Variants in IL1RAPL2 observed in about 807,000 individuals in gnomAD.
IL1RAPL2 encodes the protein X-linked interleukin-1 receptor accessory protein-like 2.
IL1RAPL2 carries 3 observed loss-of-function variants against 44.1 expected under a neutral mutation model. The observed-to-expected ratio is 0.07, with a 90% confidence interval of 0.03 to 0.18. The LOEUF (loss-of-function observed/expected upper bound fraction) is 0.18. Ranked by LOEUF, IL1RAPL2 falls within the 10% of genes least tolerant of loss-of-function variation. The probability of loss-of-function intolerance (pLI) is 1.00; values close to 1 mark genes in which losing one functional copy is unlikely to be tolerated. For synonymous variants in IL1RAPL2, 181 were observed against 178.8 expected (o/e 1.01, Z -0.10); for missense variants, 391 against 496.4 (o/e 0.79, Z 2.02).
chrX:104,845,720 T>A (rs2147638151), intron 2 of IL1RAPL2, among the ~76,000 whole-genome samples: 1 of 112,140 alleles, frequency 8.9e-6, no homozygotes, highest in East Asian at 2.8e-4. Flanking sequence ...TTGACTCTAT[T>A]TGTCATGGTT....
rs748588352 is a variant in IL1RAPL2, at chrX:105,335,657, C to T, written c.697+68116C>T. Among the ~76,000 whole-genome samples the T allele has an allele frequency of 4.5e-5, 5 of 111,158 alleles. No homozygotes were observed. In the East Asian group the frequency reaches 1.4e-3, roughly 32 times the overall value. ...AACCCATTTATACTGGATACAAAAACTTAGCTGAAAATCTTTCCAGTCGAC... is the reference window on the plus strand; with the variant it reads ...AACCCATTTATACTGGATACAAAAATTTAGCTGAAAATCTTTCCAGTCGAC... On this transcript the variant is annotated intron_variant, in intron 5 of 10. Transcript: ENST00000372582.
chrX:105,572,369 C>A (rs972782273), intron 6 of IL1RAPL2, among the ~76,000 whole-genome samples: 1 of 111,878 alleles, frequency 8.9e-6, no homozygotes, highest in Non-Finnish European at 1.9e-5. Context: ...GGAATGCATA[C>A]GAAAGCCTAA....
chrX:105,755,168 A>T lies in IL1RAPL2; in HGVS notation c.1193-9A>T, dbSNP rs752525275. ...AGTTACAACCCTTTTGTTGTTCTTT[A>T]TGTTTAAGACAACAAGGAATATGAT... On this transcript the variant is annotated splice_polypyrimidine_tract_variant and intron_variant, in intron 9 of 10. Transcript: ENST00000372582. The T allele has an allele frequency of 8.6e-7, 1 of 1,166,891 alleles. No homozygotes were observed.
chrX:105,738,480 C>T (rs959597181), intron 7 of IL1RAPL2, among the ~76,000 whole-genome samples: 3 of 111,131 alleles, frequency 2.7e-5, no homozygotes, highest in African/African-American at 9.8e-5. Flanking sequence ...GGGATATTCC[C>T]TGCATTTATA....
rs375364495 is a variant in IL1RAPL2, at chrX:104,849,355, A to AATATATATATAT, written c.82+190361_82+190372dup. 2.8e-4 allele frequency among the ~76,000 whole-genome samples: 19 copies of AATATATATATAT among 68,695 alleles called. 1 individual carries two copies. Among genetic ancestry groups the AATATATATATAT allele is most frequent in the South Asian group, 5.6e-4 (1 of 1,795 alleles). The allele number at this position is 68,695 out of a possible 115,157, so 59.7% of individuals were successfully genotyped here. On this transcript the variant is annotated intron_variant, in intron 2 of 10. Transcript: ENST00000372582. Reference sequence around the variant, plus strand: ...GTGAGCCACCATGCTTGAACTATATAATATATATATATGGATTACTTACGG... The same window carrying AATATATATATAT: ...GTGAGCCACCATGCTTGAACTATATAATATATATATATATATATATATATGGATTACTTACGG...
intron 1 of IL1RAPL2, among the ~76,000 whole-genome samples, chrX:104,582,688 TTCTTTC>T (rs1240248564): frequency 1.0e-5 from 1 of 99,242 alleles, no homozygotes; most frequent in African/African-American, 3.7e-5. Flanking sequence ...CTTTCTTTCT[TTCTTTC>T]TCTCTCTCTC....
chrX:105,216,664 A>G lies in IL1RAPL2; in HGVS notation c.357-17154A>G, dbSNP rs182415227. 7.1e-3 allele frequency among the ~76,000 whole-genome samples: 788 copies of G among 111,566 alleles called. 9 individuals are homozygous for G. The highest frequency in any genetic ancestry group is 0.025 in the African/African-American group (762 of 30,648). On this transcript the variant is annotated intron_variant, in intron 3 of 10. Transcript: ENST00000372582. ...AGCCAAGACAATCCTAAGCAAAAAG[A>G]ACAAAACTGGAGGCATCACACTACC...
intron 9 of IL1RAPL2, among the ~76,000 whole-genome samples, chrX:105,753,803 C>G (rs2038615109): frequency 8.9e-6 from 1 of 112,068 alleles, no homozygotes; most frequent in African/African-American, 3.2e-5. Context: ...TTAACCCTTT[C>G]TCCTTCCTTC....
At chrX:105,172,707 C>T (rs767680268) in intron 2 of IL1RAPL2, among the ~76,000 whole-genome samples, 1 of 111,720 alleles carries the variant, frequency 9.0e-6, no homozygotes, top group Non-Finnish European at 1.9e-5. Context: ...AGGTCAGGCC[C>T]ACCTGAATAA....
At chrX:105,536,384 C>T (rs1318932612) in intron 6 of IL1RAPL2, among the ~76,000 whole-genome samples, 3 of 103,641 alleles carry the variant, frequency 2.9e-5, no homozygotes, top group Non-Finnish European at 5.9e-5. Flanking sequence ...TTTCTATTAT[C>T]TGTTTTCTTG....
intron 5 of IL1RAPL2, among the ~76,000 whole-genome samples, chrX:105,292,999 CT>C (rs2034625585): frequency 9.2e-6 from 1 of 108,158 alleles, no homozygotes. Flanking sequence ...GTAGTCCCAG[CT>C]ACTCGGGAGA....
chrX:105,536,468 A>C (rs2036678507), intron 6 of IL1RAPL2, among the ~76,000 whole-genome samples: 1 of 109,433 alleles, frequency 9.1e-6, no homozygotes, highest in South Asian at 3.9e-4. Flanking sequence ...TAGTGTGCTA[A>C]TGTGCATCTC....
At chrX:105,634,639 T>C (rs776140838) in intron 6 of IL1RAPL2, among the ~76,000 whole-genome samples, 8 of 111,468 alleles carry the variant, frequency 7.2e-5, no homozygotes, top group Non-Finnish European at 1.3e-4. Flanking sequence ...TAATGACAGA[T>C]GTCAAGTATG....
At chrX:104,789,674 T>A (rs1482503425) in intron 2 of IL1RAPL2, among the ~76,000 whole-genome samples, 1 of 112,308 alleles carries the variant, frequency 8.9e-6, no homozygotes, top group African/African-American at 3.2e-5. Flanking sequence ...TGAATTGCCA[T>A]GTGACTTTGG....
chrX:105,071,747 G>C (rs2032209569), intron 2 of IL1RAPL2, among the ~76,000 whole-genome samples: 1 of 111,718 alleles, frequency 9.0e-6, no homozygotes, highest in Non-Finnish European at 1.9e-5. Context: ...TTTGACACAG[G>C]TGCTAGTAAT....
Position 104,906,492 on chromosome X carries a change from T to C in IL1RAPL2, c.82+247497T>C, listed in dbSNP as rs751051625. The stretch of plus-strand genomic sequence containing the variant: ...GAAATAACGTCCCATCAATACCTAA[T>C]TTCTTGAGAGTTTTTAGCATGAAGG... On this transcript the variant is annotated intron_variant, in intron 2 of 10. Transcript: ENST00000372582. 1.4e-3 allele frequency among the ~76,000 whole-genome samples: 158 copies of C among 111,729 alleles called. 1 individual carries two copies. The highest frequency in any genetic ancestry group is 4.8e-3 in the African/African-American group (147 of 30,755).
chrX:104,582,602 TTCTTTCTTTCTTTCTTTCTTTC>T (rs1470099576), intron 1 of IL1RAPL2, among the ~76,000 whole-genome samples: 4,103 of 83,332 alleles, frequency 0.049, 141 homozygotes, highest in Non-Finnish European at 0.071. Context: ...TTCTTTTTCT[TTCTTTCTTTCTTTCTTTCTTTC>T]TTTCTTTCTT....
chrX:104,730,183 A>C (rs1230879187), intron 2 of IL1RAPL2, among the ~76,000 whole-genome samples: 4 of 111,530 alleles, frequency 3.6e-5, no homozygotes, highest in African/African-American at 1.3e-4. Flanking sequence ...ATTCACACTC[A>C]TATTTGAAGA....
intron 2 of IL1RAPL2, among the ~76,000 whole-genome samples, chrX:105,076,127 G>A (rs1247025475): frequency 9.0e-6 from 1 of 111,270 alleles, no homozygotes; most frequent in Non-Finnish European, 1.9e-5. Context: ...TCTTTTAATT[G>A]TGATGTTAGG....
Sources: allele counts gnomAD v4.1 joint callset (sites outside exome capture counted in the v4.1 genomes callset), GRCh38; gene constraint gnomAD v4.1.1; transcripts MANE v1.5; gene names NCBI Gene and HGNC (gene_info 2026-07-23, HGNC 2026-07-21).